The following DYRK4 variants were observed in gnomAD, a reference collection of about 807,000 sequenced individuals.
The protein encoded by DYRK4 is dual specificity tyrosine-phosphorylation-regulated kinase 4.
DYRK4 carries 64 observed loss-of-function variants against 68.3 expected under a neutral mutation model. The observed-to-expected ratio is 0.94, with a 90% CI of 0.77 to 1.15. The LOEUF (loss-of-function observed/expected upper bound fraction) is 1.15. DYRK4 is among the 50% of genes most tolerant of loss of function. The probability of loss-of-function intolerance (pLI) is 0.00; values close to 1 mark genes in which losing one functional copy is unlikely to be tolerated. For missense variants in DYRK4, 740 were observed against 764.7 expected, an observed-to-expected ratio of 0.97 and a Z score of 0.38; for synonymous variants, 274 against 289.9, an observed-to-expected ratio of 0.95 and a Z score of 0.56.
intron 8 of DYRK4, 100 bp from the exon 9 acceptor site, chr12:4,598,928 A>T: frequency 1.4e-6 from 2 of 1,384,232 alleles, no homozygotes; most frequent in Non-Finnish European, 2.0e-6. Context: ...CTTGCCTGCT[A>T]CTAGACGGAA....
intron 10 of DYRK4, among the ~76,000 whole-genome samples, chr12:4,601,144 A>G (rs1488589604): frequency 6.6e-6 from 1 of 152,214 alleles, no homozygotes; most frequent in Non-Finnish European, 1.5e-5. Flanking sequence ...TCCTATATCT[A>G]TTTCTTATTG....
chr12:4,582,822 G>A (rs1944857652), intron 2 of DYRK4, among the ~76,000 whole-genome samples: 1 of 152,214 alleles, frequency 6.6e-6, no homozygotes. Context: ...CCAAAAGGCA[G>A]GGGTAGGGCC....
intron 13 of DYRK4, among the ~76,000 whole-genome samples, chr12:4,612,133 T>A (rs144540239): frequency 7.9e-5 from 12 of 152,310 alleles, no homozygotes; most frequent in African/African-American, 2.9e-4. Context: ...CCCTTGCAAA[T>A]CTTAATATTC....
At chr12:4,583,577 T>C (rs1369352680) in intron 2 of DYRK4, among the ~76,000 whole-genome samples, 1 of 152,080 alleles carries the variant, frequency 6.6e-6, no homozygotes, top group African/African-American at 2.4e-5. Context: ...GTGTTTTTAG[T>C]AGAGACAGGG....
chr12:4,570,825 A>C (rs988490022), intron 2 of DYRK4, among the ~76,000 whole-genome samples: 2 of 152,224 alleles, frequency 1.3e-5, no homozygotes, highest in Non-Finnish European at 2.9e-5. Context: ...CTTTAAGACA[A>C]TAGTGTGGCG....
chr12:4,608,220 C>A (rs1199311162), intron 12 of DYRK4, among the ~76,000 whole-genome samples: 3 of 152,104 alleles, frequency 2.0e-5, no homozygotes, highest in Non-Finnish European at 4.4e-5. Context: ...TGGAGCAAAG[C>A]CAAATAGGAG....
chr12:4,569,235 A>G (rs192529806), intron 2 of DYRK4, among the ~76,000 whole-genome samples: 28 of 152,302 alleles, frequency 1.8e-4, no homozygotes, highest in Admixed American at 1.5e-3. Context: ...TATAGGTGCA[A>G]TTTTTAATAC....
At chr12:4,605,879 T>A (rs555493446) in intron 11 of DYRK4, among the ~76,000 whole-genome samples, 2 of 152,226 alleles carry the variant, frequency 1.3e-5, no homozygotes, top group East Asian at 3.9e-4. Flanking sequence ...CCTGTTCTAA[T>A]TAATGTCGTC....
intron 2 of DYRK4, among the ~76,000 whole-genome samples, chr12:4,574,337 C>T (rs1944764918): frequency 6.6e-6 from 1 of 151,614 alleles, no homozygotes; most frequent in Admixed American, 6.6e-5. Flanking sequence ...TTGAGTTTTA[C>T]ATCTATTATT....
chr12:4,566,705 G>T (rs1236856724), intron 1 of DYRK4, among the ~76,000 whole-genome samples: 1 of 152,242 alleles, frequency 6.6e-6, no homozygotes, highest in Non-Finnish European at 1.5e-5. Flanking sequence ...TTTATAGAAA[G>T]AAAGGAAGAG....
intron 1 of DYRK4, among the ~76,000 whole-genome samples, chr12:4,563,353 C>T (rs755192284): frequency 6.6e-6 from 1 of 152,212 alleles, no homozygotes; most frequent in Non-Finnish European, 1.5e-5. Context: ...TTTGCCCTCT[C>T]CAACTCCACA....
chr12:4,574,036 T>C (rs1189511304), intron 2 of DYRK4, among the ~76,000 whole-genome samples: 2 of 151,932 alleles, frequency 1.3e-5, no homozygotes, highest in East Asian at 1.9e-4. Context: ...CCATCCTGGC[T>C]AACACGGTGA....
At chr12:4,590,770 T>C (rs138549226) in intron 4 of DYRK4, 183 of 402,888 alleles carry the variant, frequency 4.5e-4, no homozygotes, top group African/African-American at 3.4e-3. Flanking sequence ...CCAAATAAGA[T>C]AATAGGTGCG....
Position 4,562,243 on chromosome 12 carries a change from C to T in DYRK4, c.-3C>T. The T allele has an allele frequency of 3.3e-6, 5 of 1,531,036 alleles. No homozygotes were observed. The highest frequency in any genetic ancestry group is 4.4e-6 in the Non-Finnish European group (5 of 1,144,628). 94.8% of individuals were successfully genotyped at this position (1,531,036 alleles called of 1,614,324 possible). A position where few individuals can be genotyped will look rare whatever the true frequency, so the allele number is the denominator to read the frequency against. ...GCAGCGGCGGGCGGTCAGCGCCGGC[C>T]TCATGCAGCTCCTCCCGCCGCCTAT... On this transcript the variant is annotated 5_prime_UTR_variant, in exon 1 of 15. Transcript: ENST00000543431.
At chr12:4,599,653 G>T in intron 9 of DYRK4, 54 bp from the exon 10 acceptor site, 1 of 1,395,882 alleles carries the variant, frequency 7.2e-7, no homozygotes, top group South Asian at 1.2e-5. Context: ...TAGGTAAGTA[G>T]AGGGCCTAGG....
At chr12:4,563,229 A>G (rs1944646268) in intron 1 of DYRK4, 1 of 434,188 alleles carries the variant, frequency 2.3e-6, no homozygotes, top group South Asian at 1.6e-5. Flanking sequence ...ACTCTACCTT[A>G]TTGTTTCTGT....
intron 2 of DYRK4, among the ~76,000 whole-genome samples, chr12:4,586,733 G>GACAGAC (rs1944901445): frequency 1.4e-5 from 1 of 74,012 alleles, no homozygotes; most frequent in Non-Finnish European, 2.8e-5. Context: ...CACACACACA[G>GACAGAC]ACACACACAC....
intron 13 of DYRK4, 21 bp downstream of exon 13, chr12:4,610,305 C>G (rs1166334698): frequency 4.6e-6 from 7 of 1,513,726 alleles, no homozygotes; most frequent in Non-Finnish European, 6.2e-6. Context: ...TGGGACATCT[C>G]TGCTTCTGGG....
At chr12:4,590,123 G>A (rs796805966) in intron 3 of DYRK4, 2 of 1,321,532 alleles carry the variant, frequency 1.5e-6, no homozygotes, top group Non-Finnish European at 9.6e-7. Flanking sequence ...GTAGAGCAGG[G>A]ACTCAAACCC....
Sources: allele counts gnomAD v4.1 joint callset (sites outside exome capture counted in the v4.1 genomes callset), GRCh38; gene constraint gnomAD v4.1.1; transcripts MANE v1.5; gene names NCBI Gene and HGNC (gene_info 2026-07-23, HGNC 2026-07-21).